The following HOXC5 variants were observed in gnomAD, a reference collection of about 807,000 sequenced individuals.
The protein encoded by HOXC5 is homeobox protein Hox-C5.
Under a neutral mutation model 20.1 loss-of-function variants are expected in HOXC5, and 19 were observed. The ratio of observed to expected loss-of-function variants is 0.94; its 90% CI spans 0.66 to 1.38. HOXC5 has a LOEUF of 1.38. HOXC5 is among the 40% of genes most tolerant of loss of function. The pLI is 0.00. For missense variants in HOXC5, 330 were observed against 300.1 expected (o/e 1.10, Z -0.74); for synonymous variants, 124 against 117.0 (o/e 1.06, Z -0.39).
the HOXC5 span, among the ~76,000 whole-genome samples, chr12:54,022,773 C>T: frequency 6.6e-6 from 1 of 152,148 alleles, no homozygotes; most frequent in African/African-American, 2.4e-5. Context: ...TTTACAATTT[C>T]TATATGACAA....
the HOXC5 span, among the ~76,000 whole-genome samples, chr12:54,024,314 G>C: frequency 6.6e-6 from 1 of 152,190 alleles, no homozygotes; most frequent in East Asian, 1.9e-4. Context: ...CTGAGGCTGA[G>C]CACTGAGTCC....
intron 1 of HOXC5, chr12:54,033,843 G>T: frequency 1.9e-6 from 1 of 537,398 alleles, no homozygotes; most frequent in Non-Finnish European, 3.4e-6. Context: ...GGATCTGAAG[G>T]GTGAGGAGCG....
At chr12:54,026,944 C>CG in the HOXC5 span, among the ~76,000 whole-genome samples, 1 of 136,488 alleles carries the variant, frequency 7.3e-6, no homozygotes, top group African/African-American at 2.9e-5. Context: ...TTTCCCCCCC[C>CG]CCAACCCACC....
rs1228342101 is a variant in HOXC5, at chr12:54,033,935, G to A, written c.455-343G>A. On this transcript the variant is annotated intron_variant, in intron 1 of 1. Transcript: ENST00000312492. The stretch of plus-strand genomic sequence containing the variant: ...CGGCTCCGCCGGCGCTTGCGGCTCC[G>A]GAGGATTCCAGCGACTCGGGAGGGG... The A allele has an allele frequency of 3.5e-5, 15 of 433,338 alleles. No individual in the cohort carries two copies. The East Asian group carries it at 7.4e-4, about 21-fold the overall frequency. 26.8% of individuals were successfully genotyped at this position (433,338 alleles called of 1,614,324 possible).
At chr12:54,017,862 C>T in the HOXC5 span, among the ~76,000 whole-genome samples, 16 of 152,252 alleles carry the variant, frequency 1.1e-4, no homozygotes, top group African/African-American at 2.9e-4. Context: ...AGTTAGCCCC[C>T]CAACCCCCAA....
Position 54,034,575 on chromosome 12 carries a change from T to C in HOXC5, c.*83T>C. 8.2e-7 allele frequency: 1 copy of C among 1,221,698 alleles called. No individual in the cohort carries two copies. Among genetic ancestry groups the C allele is most frequent in the South Asian group, 1.3e-5 (1 of 74,266 alleles). 75.7% of individuals were successfully genotyped at this position (1,221,698 alleles called of 1,614,324 possible). Reference sequence around the variant, plus strand: ...TCCTTTTCGCCTTTCCTCTCTATATTTCGGGTCGGGGGCAGGTGCTGGAGC... The same window carrying C: ...TCCTTTTCGCCTTTCCTCTCTATATCTCGGGTCGGGGGCAGGTGCTGGAGC... On this transcript the variant is annotated 3_prime_UTR_variant, in exon 2 of 2. Transcript: ENST00000312492.
chr12:54,029,957 G>C, upstream of HOXC5: 1 of 1,568,626 alleles, frequency 6.4e-7, no homozygotes. Context: ...GAAGCAGAAA[G>C]AGTGACCAGG....
intron 1 of HOXC5, 92 bp from the exon 2 acceptor site, chr12:54,034,186 G>C: frequency 2.4e-6 from 3 of 1,253,756 alleles, no homozygotes; most frequent in South Asian, 1.2e-5. Flanking sequence ...CTCTCCCTCC[G>C]GCCGCGGGTG....
chr12:54,029,911 C>A, upstream of HOXC5: 1 of 1,605,690 alleles, frequency 6.2e-7, no homozygotes, highest in Non-Finnish European at 8.5e-7. Context: ...ACAGCCTGGG[C>A]GGAAAAGAGG....
At chr12:54,027,019 C>T in the HOXC5 span, among the ~76,000 whole-genome samples, 28 of 150,672 alleles carry the variant, frequency 1.9e-4, no homozygotes, top group African/African-American at 6.8e-4. Flanking sequence ...CACCACCCTT[C>T]TTTGTCAACT....
At chr12:54,030,738 C>A (rs1257449851), upstream of HOXC5, 1 of 152,612 alleles carries the variant, frequency 6.6e-6, no homozygotes, top group African/African-American at 2.4e-5. Context: ...ATAAATAAAT[C>A]CCTTCGTGTT....
At chr12:54,027,103 C>G in the HOXC5 span, among the ~76,000 whole-genome samples, 1 of 152,268 alleles carries the variant, frequency 6.6e-6, no homozygotes, top group Admixed American at 6.5e-5. Flanking sequence ...CATCTGCACA[C>G]TTTCCGCTGT....
At chr12:54,029,704 G>A (rs529857999), upstream of HOXC5, 1 of 1,614,214 alleles carries the variant, frequency 6.2e-7, no homozygotes, top group African/African-American at 1.3e-5. Flanking sequence ...TCTACTCGCG[G>A]TACCAGACCC....
rs542883024 is a variant in HOXC5 at position 54,034,355 on chromosome 12, C to T, written c.532C>T (p.Arg178Cys). 49 of 1,614,214 alleles carry T rather than the reference C, an allele frequency of 3.0e-5. No individual in the cohort carries two copies. In the South Asian group the frequency reaches 5.4e-4, roughly 18 times the overall value. The change falls in exon 2 of 2, where the codon CGC becomes TGC. Residue 178 changes from arginine to cysteine, a missense_variant. Transcript: ENST00000312492. ...LELEKEFHFN[R>C]YLTRRRRIEI... The stretch of plus-strand genomic sequence containing the variant: ...ACTCGAGAAAGAATTCCACTTTAAC[C>T]GCTACCTCACTCGCCGCAGGCGCAT...
In HOXC5 at chr12:54,034,693, C is replaced by A. The variant is rs1254629608; in HGVS notation, c.*201C>A. On this transcript the variant is annotated 3_prime_UTR_variant, in exon 2 of 2. Coordinates refer to ENST00000312492, the MANE Select transcript of HOXC5 (RefSeq NM_018953.4). Reference sequence around the variant, plus strand: ...GTTCCCGCGGGGCTGTCGGCGCTGCCCCATCTCCCCTCAGCTCGGCTCAGC... The same window carrying A: ...GTTCCCGCGGGGCTGTCGGCGCTGCACCATCTCCCCTCAGCTCGGCTCAGC... The A allele has an allele frequency of 1.7e-6, 1 of 572,968 alleles. No individual in the cohort carries two copies. Among genetic ancestry groups the A allele is most frequent in the Non-Finnish European group, 3.1e-6 (1 of 321,440 alleles). 35.5% of individuals were successfully genotyped at this position (572,968 alleles called of 1,614,324 possible).
At chr12:54,018,303 G>T in the HOXC5 span, among the ~76,000 whole-genome samples, 1 of 151,956 alleles carries the variant, frequency 6.6e-6, no homozygotes, top group Non-Finnish European at 1.5e-5. Context: ...CGGGATGCCC[G>T]CTCGCCACGC....
At chr12:54,031,315 G>A (rs1489482955), upstream of HOXC5, among the ~76,000 whole-genome samples, 1 of 152,210 alleles carries the variant, frequency 6.6e-6, no homozygotes, top group Non-Finnish European at 1.5e-5. Context: ...TAGCGGAGGC[G>A]GAGAGCGGAG....
chr12:54,027,882 T>C, the HOXC5 span, among the ~76,000 whole-genome samples: 4 of 152,174 alleles, frequency 2.6e-5, no homozygotes, highest in African/African-American at 7.2e-5. Flanking sequence ...ACAGGTTTTA[T>C]GAAATTTCTT....
At chr12:54,029,668 A>G, upstream of HOXC5, 1 of 1,613,184 alleles carries the variant, frequency 6.2e-7, no homozygotes, top group Non-Finnish European at 8.5e-7. Flanking sequence ...TCGGCTACGG[A>G]GCGGACCGGA....
Sources: allele counts gnomAD v4.1 joint callset (sites outside exome capture counted in the v4.1 genomes callset), GRCh38; gene constraint gnomAD v4.1.1; transcripts MANE v1.5; gene names NCBI Gene and HGNC (gene_info 2026-07-23, HGNC 2026-07-21).